Variants in ZBP1 observed in about 807,000 individuals in gnomAD.
The protein encoded by ZBP1 is Z-DNA binding protein 1, also known as Z-DNA-binding protein 1.
In ZBP1, 42 loss-of-function variants were observed where a neutral mutation model predicts 41.1. That is an observed-to-expected ratio of 1.02 (90% CI 0.80 to 1.32). The LOEUF (loss-of-function observed/expected upper bound fraction) is 1.32. ZBP1 is among the 40% of genes most tolerant of loss of function. The pLI is 0.00. For missense variants in ZBP1, 562 were observed against 549.7 expected (o/e 1.02, Z -0.22); for synonymous variants, 214 against 205.2 (o/e 1.04, Z -0.37).
chr20:57,614,193 C>A (rs1415492149), intron 4 of ZBP1, among the ~76,000 whole-genome samples: 1 of 152,024 alleles, frequency 6.6e-6, no homozygotes, highest in African/African-American at 2.4e-5. Flanking sequence ...CACCACCACA[C>A]CTGGCTAATT....
Position 57,610,968 on chromosome 20 carries a change from C to G in ZBP1, c.875-601G>C, listed in dbSNP as rs905293265. On this transcript the variant is annotated intron_variant, in intron 6 of 7. Transcript: ENST00000371173. The surrounding 1 kb of genome is among the most constrained non-coding windows in gnomAD (Gnocchi z 5.5). ...CTCCTTTCCCGGGGCCTCTGCTTTCCTCCTCCCTCTCTGGCTTCTCTGCTG... is the reference window on the plus strand; with the variant it reads ...CTCCTTTCCCGGGGCCTCTGCTTTCGTCCTCCCTCTCTGGCTTCTCTGCTG... 3.9e-5 allele frequency among the ~76,000 whole-genome samples: 6 copies of G among 152,224 alleles called. No individual in the cohort carries two copies. The highest frequency in any genetic ancestry group is 1.4e-4 in the African/African-American group (6 of 41,454).
intron 6 of ZBP1, among the ~76,000 whole-genome samples, chr20:57,611,509 G>T (rs2070671066): frequency 7.2e-6 from 1 of 139,132 alleles, no homozygotes; most frequent in African/African-American, 2.7e-5. Flanking sequence ...CACCCGCTTT[G>T]GCTTCCCAAA....
At chr20:57,605,105 CAAACAAAACAAAACA>C (rs11472817) in intron 7 of ZBP1, among the ~76,000 whole-genome samples, 8 of 150,346 alleles carry the variant, frequency 5.3e-5, no homozygotes, top group Admixed American at 2.0e-4. Context: ...GCAATTTCCT[CAAACAAAACAAAACA>C]AAACAAAACA....
Position 57,604,956 on chromosome 20 carries a change from C to G in ZBP1, c.1094-187G>C, listed in dbSNP as rs1450215789. ...GCACTGGGCCCCCAGATCATGTAGCCAGTCCTGTCCTAGTTTCACAGCAGT... is the reference window on the plus strand; with the variant it reads ...GCACTGGGCCCCCAGATCATGTAGCGAGTCCTGTCCTAGTTTCACAGCAGT... On this transcript the variant is annotated intron_variant, in intron 7 of 7. Coordinates refer to ENST00000371173, the MANE Select transcript of ZBP1 (RefSeq NM_030776.3). Among the ~76,000 whole-genome samples the G allele has an allele frequency of 2.0e-5, 3 of 152,142 alleles. No homozygotes were observed. The South Asian group carries it at 6.2e-4, about 32-fold the overall frequency.
At position 57,615,572 on chromosome 20, in the gene ZBP1, G is replaced by T; in HGVS notation, c.268C>A (p.Pro90Thr). 1 of 1,613,016 alleles carries T rather than the reference G, an allele frequency of 6.2e-7. No individual in the cohort carries two copies. The change falls in exon 3 of 8, where the codon CCC becomes ACC. Residue 90 changes from proline (P) to threonine (T), a missense_variant. Physicochemically the swap from Pro to Thr is conservative, Grantham distance 38. Transcript: ENST00000371173. ...ELALSSPAER[P>T]QQHAATIPET... ...GGAATTGTAGCTGCATGTTGCTGGGGCCTCTCGGCTGCAGAAAGAAAGATG... is the reference window on the plus strand; with the variant it reads ...GGAATTGTAGCTGCATGTTGCTGGGTCCTCTCGGCTGCAGAAAGAAAGATG...
rs771504405 is a variant in ZBP1, at chr20:57,611,740, A to AG, written c.860dup (p.Gly288TrpfsTer17). ...GATCCCAGTTACCTGGGGGGCTGCC[A>AG]GGGGGGATGTGGGCAGGGCCCTCGG... On this transcript the variant is annotated frameshift_variant, in exon 6 of 8. Transcript: ENST00000371173. LOFTEE classifies it high-confidence loss of function. 1.9e-5 allele frequency: 30 copies of AG among 1,609,936 alleles called. No homozygotes were observed. Among genetic ancestry groups the AG allele is most frequent in the Middle Eastern group, 1.8e-4 (1 of 5,600 alleles).
At chr20:57,611,594 TG>T in intron 6 of ZBP1, 132 bp downstream of exon 6, 1 of 1,044,520 alleles carries the variant, frequency 9.6e-7, no homozygotes, top group Non-Finnish European at 1.4e-6. Flanking sequence ...TGCTCTACTC[TG>T]GTTCAGCTGC....
chr20:57,610,474 G>A lies in ZBP1; in HGVS notation c.875-107C>T. On this transcript the variant is annotated intron_variant, in intron 6 of 7. Coordinates refer to ENST00000371173, the MANE Select transcript of ZBP1 (RefSeq NM_030776.3). The surrounding 1 kb of genome is among the most constrained non-coding windows in gnomAD (Gnocchi z 5.5). The stretch of plus-strand genomic sequence containing the variant: ...CTCCTCCCCAGATCTCCCACCAGTG[G>A]CCCACACCATCCCAGGAGCACAGCC... 1 of 1,182,352 alleles carries A rather than the reference G, an allele frequency of 8.5e-7. No homozygotes were observed. The highest frequency in any genetic ancestry group is 1.2e-6 in the Non-Finnish European group (1 of 818,090). The allele number at this position is 1,182,352 out of a possible 1,614,324, so 73.2% of individuals were successfully genotyped here. A position where few individuals can be genotyped will look rare whatever the true frequency, so the allele number is the denominator to read the frequency against.
rs1600730127 is a variant in ZBP1 at position 57,610,517 on chromosome 20, C to T, written c.875-150G>A. On this transcript the variant is annotated intron_variant, in intron 6 of 7. Transcript: ENST00000371173. This position sits in a 1 kb window ranked among gnomAD's most constrained non-coding sequence, Gnocchi z 5.5. ...GCACAGCCTGTGCCTGCCCGCCACACCTCCACCCGCCACACCTCCGCTCGT... is the reference window on the plus strand; with the variant it reads ...GCACAGCCTGTGCCTGCCCGCCACATCTCCACCCGCCACACCTCCGCTCGT... 2.8e-6 allele frequency: 2 copies of T among 710,180 alleles called. No individual in the cohort carries two copies. Among genetic ancestry groups the T allele is most frequent in the East Asian group, 5.4e-5 (2 of 36,916 alleles). 44.0% of individuals were successfully genotyped at this position (710,180 alleles called of 1,614,324 possible).
Position 57,610,298 on chromosome 20 carries a change from T to C in ZBP1, c.944A>G (p.Glu315Gly), listed in dbSNP as rs760076257. ...GTGGATTCTCTGGGCGGCTTCCCCC[T>C]CAGGGTGAGTTCCTGGACTGGGAAT... ...ARIPSPGTHP[E>G]GEAAQRIHMK... The change falls in exon 7 of 8, where the codon GAG becomes GGG. Residue 315 changes from glutamate to glycine, a missense_variant. By Grantham distance (98) the Glu-to-Gly change is moderately conservative. Transcript: ENST00000371173. This position sits in a 1 kb window ranked among gnomAD's most constrained non-coding sequence, Gnocchi z 5.5. 6.2e-7 allele frequency: 1 copy of C among 1,614,168 alleles called. No homozygotes were observed. The highest frequency in any genetic ancestry group is 1.1e-5 in the South Asian group (1 of 91,082).
chr20:57,606,953 C>T (rs764611422), intron 7 of ZBP1: 74 of 1,177,768 alleles, frequency 6.3e-5, no homozygotes, highest in South Asian at 3.5e-4. Context: ...TGTTCATCCA[C>T]GGGCTCTGAT....
intron 7 of ZBP1, among the ~76,000 whole-genome samples, chr20:57,608,617 G>C (rs1028901695): frequency 2.0e-5 from 3 of 152,238 alleles, no homozygotes; most frequent in African/African-American, 7.2e-5. Flanking sequence ...TTTGCTGCTG[G>C]AAGGAAGTCC....
At position 57,613,312 on chromosome 20, in the gene ZBP1, G is replaced by A; in HGVS notation, c.521C>T (p.Ala174Val). 6.2e-7 allele frequency: 1 copy of A among 1,613,846 alleles called. No individual in the cohort carries two copies. Among genetic ancestry groups the A allele is most frequent in the South Asian group, 1.1e-5 (1 of 91,086 alleles). The change falls in exon 5 of 8, where the codon GCA becomes GTA. Residue 174 changes from alanine (A) to valine (V), a missense_variant. Physicochemically the swap from Ala to Val is moderately conservative, Grantham distance 64. Coordinates refer to ENST00000371173, the MANE Select transcript of ZBP1 (RefSeq NM_030776.3). This position sits in a 1 kb window ranked among gnomAD's most constrained non-coding sequence, Gnocchi z 4.5. ...CTGGTAAATAATTGAGGCTGACTTT[G>A]CTCTTCTTCCAGAATCTTCTGCAAA... ...IYRPEDSGRR[A>V]KSASIIYQHN...
At chr20:57,607,090 C>A (rs1423965150) in intron 7 of ZBP1, 1 of 1,303,678 alleles carries the variant, frequency 7.7e-7, no homozygotes, top group Non-Finnish European at 1.0e-6. Flanking sequence ...TTTATGAGGG[C>A]ATAAGTGCAA....
chr20:57,620,403 G>C lies in ZBP1; in HGVS notation c.-108C>G, dbSNP rs568951815. 1.0e-5 allele frequency: 13 copies of C among 1,253,624 alleles called. No homozygotes were observed. Among genetic ancestry groups the C allele is most frequent in the Admixed American group, 2.4e-5 (1 of 40,826 alleles). The allele number at this position is 1,253,624 out of a possible 1,614,324, so 77.7% of individuals were successfully genotyped here. A position where few individuals can be genotyped will look rare whatever the true frequency, so the allele number is the denominator to read the frequency against. On this transcript the variant is annotated 5_prime_UTR_variant, in exon 1 of 8. Coordinates refer to ENST00000371173, the MANE Select transcript of ZBP1 (RefSeq NM_030776.3). ...CGAGGCTGGGGCTTCTGAAGTGGCC[G>C]AGCCTGGTGCTTCTTGCAGCTCTGA...
intron 7 of ZBP1, among the ~76,000 whole-genome samples, 192 bp from the exon 8 acceptor site, chr20:57,604,961 C>T (rs1056892296): frequency 1.3e-5 from 2 of 152,166 alleles, no homozygotes; most frequent in Non-Finnish European, 2.9e-5. Context: ...GTAGCCAGTC[C>T]TGTCCTAGTT....
chr20:57,613,650 C>G lies in ZBP1; in HGVS notation c.503-320G>C, dbSNP rs1438919548. Reference sequence around the variant, plus strand: ...CTCTCCCTAGGGGGCAGCCACAGCCCGGACCCCCGAGCACCTGCACCATTG... The same window carrying G: ...CTCTCCCTAGGGGGCAGCCACAGCCGGGACCCCCGAGCACCTGCACCATTG... On this transcript the variant is annotated intron_variant, in intron 4 of 7. Transcript: ENST00000371173. This position sits in a 1 kb window ranked among gnomAD's most constrained non-coding sequence, Gnocchi z 4.5. Among the ~76,000 whole-genome samples the G allele has an allele frequency of 6.6e-6, 1 of 152,196 alleles. No individual in the cohort carries two copies. The highest frequency in any genetic ancestry group is 6.5e-5 in the Admixed American group (1 of 15,288).
At position 57,611,864 on chromosome 20, in the gene ZBP1, A is replaced by G; in HGVS notation, c.737T>C (p.Val246Ala). 1 of 1,587,606 alleles carries G rather than the reference A, an allele frequency of 6.3e-7. No individual in the cohort carries two copies. Among genetic ancestry groups the G allele is most frequent in the Non-Finnish European group, 8.6e-7 (1 of 1,166,674 alleles). ...PGDSSTWGTL[V>A]DPWGPQDIHM... ...GATGTCCTGGGGCCCCCAGGGATCA[A>G]CTAGGGTCCCCCAAGTTGAGGAATC... Residue 246 changes from valine (V) to alanine (A), a missense_variant, in exon 6 of 8, where the codon GTT becomes GCT. Physicochemically the swap from Val to Ala is moderately conservative, Grantham distance 64 (BLOSUM62 0). Coordinates refer to ENST00000371173, the MANE Select transcript of ZBP1 (RefSeq NM_030776.3).
Position 57,610,336 on chromosome 20 carries a change from C to T in ZBP1, c.906G>A (p.Ser302=), listed in dbSNP as rs374383138. The part of the protein sequence containing the change: ...VSATAAGPEA[S]FEARIPSPGT... ...CTGGACTGGGAATTCTTGCTTCAAA[C>T]GAAGCTTCTGGGCCGGCAGCAGTGG... The change falls in exon 7 of 8, where the codon TCG becomes TCA. Residue 302 remains serine, a synonymous_variant. Coordinates refer to ENST00000371173, the MANE Select transcript of ZBP1 (RefSeq NM_030776.3). The surrounding 1 kb of genome is among the most constrained non-coding windows in gnomAD (Gnocchi z 5.5). 2.5e-5 allele frequency: 41 copies of T among 1,614,030 alleles called. No homozygotes were observed. Among genetic ancestry groups the T allele is most frequent in the African/African-American group, 1.2e-4 (9 of 74,910 alleles).
Sources: allele counts gnomAD v4.1 joint callset (sites outside exome capture counted in the v4.1 genomes callset), GRCh38; gene constraint gnomAD v4.1.1; non-coding constraint Gnocchi (gnomAD v3.1); transcripts MANE v1.5; gene names NCBI Gene and HGNC (gene_info 2026-07-23, HGNC 2026-07-21).